The following UACA variants were observed in gnomAD, a reference collection of about 807,000 sequenced individuals.
UACA encodes the protein uveal autoantigen with coiled-coil domains and ankyrin repeats.
Under a neutral mutation model 160.5 loss-of-function variants are expected in UACA, and 112 were observed. The observed-to-expected ratio is 0.70, with a 90% CI of 0.60 to 0.82. The LOEUF (loss-of-function observed/expected upper bound fraction) is 0.82. Ranked by LOEUF, UACA falls within the 40% of genes least tolerant of loss-of-function variation. UACA has a pLI of 0.00. For synonymous variants in UACA, 557 were observed against 568.4 expected (o/e 0.98, Z 0.29); for missense variants, 1,574 against 1,614.6 (o/e 0.97, Z 0.43).
At chr15:70,754,156 T>C (rs771604326) in intron 1 of UACA, 201 of 456,032 alleles carry the variant, frequency 4.4e-4, no homozygotes, top group Non-Finnish European at 1.1e-4. Flanking sequence ...GGACAGTCAT[T>C]TATCCTAACT....
rs140483075 is a variant in UACA, at chr15:70,718,028, TACAC to T, written c.79-18372_79-18369del. Reference sequence around the variant, plus strand: ...CAATTCCTTAAAATAAATTTCTTTATACACACACACACACACACACACACACACA... The same window carrying T: ...CAATTCCTTAAAATAAATTTCTTTATACACACACACACACACACACACACA... On this transcript the variant is annotated intron_variant, in intron 1 of 18. Coordinates refer to ENST00000322954, the MANE Select transcript of UACA (RefSeq NM_018003.4). Among the ~76,000 whole-genome samples, 906 of 142,670 alleles carry T rather than the reference TACAC, an allele frequency of 6.4e-3. 7 individuals are homozygous for T. The highest frequency in any genetic ancestry group is 0.028 in the Middle Eastern group (8 of 282). The allele number at this position is 142,670 out of a possible 152,430, so 93.6% of individuals were successfully genotyped here. A position where few individuals can be genotyped will look rare whatever the true frequency, so the allele number is the denominator to read the frequency against.
chr15:70,726,713 C>G (rs561786798), intron 1 of UACA, among the ~76,000 whole-genome samples: 5 of 152,038 alleles, frequency 3.3e-5, no homozygotes, highest in Non-Finnish European at 7.4e-5. Flanking sequence ...TGTTCGGTAC[C>G]TTCTAAATTT....
chr15:70,686,920 C>CA (rs1413422734), intron 7 of UACA, among the ~76,000 whole-genome samples: 5 of 152,066 alleles, frequency 3.3e-5, no homozygotes, highest in Non-Finnish European at 7.4e-5. Flanking sequence ...GACCTACAGA[C>CA]AGAGATAGGG....
chr15:70,707,290 T>C (rs921753074), intron 1 of UACA, among the ~76,000 whole-genome samples: 1 of 152,150 alleles, frequency 6.6e-6, no homozygotes, highest in African/African-American at 2.4e-5. Flanking sequence ...TCAAAATTGA[T>C]TGAAGACCTA....
At chr15:70,682,318 A>G (rs1897538813) in intron 9 of UACA, among the ~76,000 whole-genome samples, 1 of 152,224 alleles carries the variant, frequency 6.6e-6, no homozygotes, top group African/African-American at 2.4e-5. Context: ...ATCACAATAT[A>G]TAATCAGTTT....
chr15:70,657,113 T>G lies in UACA; in HGVS notation c.4194A>C (p.Glu1398Asp). 1 of 1,614,082 alleles carries G rather than the reference T, an allele frequency of 6.2e-7. No homozygotes were observed. Among genetic ancestry groups the G allele is most frequent in the Non-Finnish European group, 8.5e-7 (1 of 1,179,930 alleles). Residue 1398 changes from glutamate to aspartate, a missense_variant, in exon 19 of 19, where the codon GAA becomes GAC. Physicochemically the swap from Glu to Asp is conservative, Grantham distance 45. Transcript: ENST00000322954. ...TCTGGAGCAGAGCCTCCTGAACATC[T>G]TCATCCATGTGACCCTTCGGAGAAA... ...LLSAAQGHMD[E>D]DVQEALLQII...
At chr15:70,696,067 C>T (rs1898116671) in intron 2 of UACA, among the ~76,000 whole-genome samples, 1 of 152,104 alleles carries the variant, frequency 6.6e-6, no homozygotes, top group East Asian at 1.9e-4. Context: ...AATAACCATT[C>T]TAGAGATGCC....
At position 70,664,642 on chromosome 15, in the gene UACA, C is replaced by T. The variant is rs781323443; in HGVS notation, c.4113+20G>A. On this transcript the variant is annotated intron_variant, in intron 17 of 18. Coordinates refer to ENST00000322954, the MANE Select transcript of UACA (RefSeq NM_018003.4). ...AGCCAGCACATATTCCTGCAAAGCC[C>T]CGTGTGCCTGGTTACTCACGGCCAG... 1.3e-6 allele frequency: 2 copies of T among 1,599,896 alleles called. No individual in the cohort carries two copies. The highest frequency in any genetic ancestry group is 2.2e-5 in the East Asian group (1 of 44,466).
At chr15:70,754,318 T>C in intron 1 of UACA, 1 of 324,572 alleles carries the variant, frequency 3.1e-6, no homozygotes, top group East Asian at 9.3e-5. Flanking sequence ...TGTATGTACT[T>C]TGAGTACCCG....
At chr15:70,658,310 G>T (rs1013446580) in intron 18 of UACA, among the ~76,000 whole-genome samples, 2 of 152,056 alleles carry the variant, frequency 1.3e-5, no homozygotes, top group Non-Finnish European at 2.9e-5. Context: ...GACATTTAAG[G>T]TATTTCCAAT....
rs1896432807 is a variant in UACA, at chr15:70,654,589, C to A, written c.*2467G>T. 1 of 151,470 alleles carries A rather than the reference C, an allele frequency of 6.6e-6. No individual in the cohort carries two copies. The highest frequency in any genetic ancestry group is 2.4e-5 in the African/African-American group (1 of 41,202). The allele number at this position is 151,470 out of a possible 1,614,324, so 9.4% of individuals were successfully genotyped here. On this transcript the variant is annotated 3_prime_UTR_variant, in exon 19 of 19. Transcript: ENST00000322954. The stretch of plus-strand genomic sequence containing the variant: ...GAATATTTGATTTTATTTCAAAAGA[C>A]AATTATTTATAACACTGACCCTCTA...
intron 1 of UACA, among the ~76,000 whole-genome samples, chr15:70,706,537 A>AAG: frequency 6.6e-6 from 1 of 151,126 alleles, no homozygotes; most frequent in Admixed American, 6.6e-5. Flanking sequence ...AAAAAAAAAA[A>AAG]CTCTAAAGAT....
At position 70,667,130 on chromosome 15, in the gene UACA, G is replaced by A. The variant is rs748393199; in HGVS notation, c.3554C>T (p.Ala1185Val). Residue 1185 changes from alanine to valine, a missense_variant, in exon 16 of 19, where the codon GCC (alanine) becomes GTC (valine). Ala to Val is a moderately conservative substitution (Grantham distance 64). Coordinates refer to ENST00000322954, the MANE Select transcript of UACA (RefSeq NM_018003.4). ...TTCTTCTTCCTTTTCTCTCAAGCTG[G>A]CTTTTATGATTCCAACTTCTTTCTC... Reference protein sequence around the residue: ...AFEKEVGIIKASLREKEEESQ... With the variant: ...AFEKEVGIIKVSLREKEEESQ... 1 of 1,613,364 alleles carries A rather than the reference G, an allele frequency of 6.2e-7. No homozygotes were observed. The highest frequency in any genetic ancestry group is 8.5e-7 in the Non-Finnish European group (1 of 1,179,908).
the UACA span, among the ~76,000 whole-genome samples, chr15:70,776,320 G>A: frequency 6.6e-6 from 1 of 151,912 alleles, no homozygotes; most frequent in Non-Finnish European, 1.5e-5. Flanking sequence ...TAAGTGCCAG[G>A]CACTGTTTAG....
At chr15:70,660,057 T>C in intron 18 of UACA, 94 bp downstream of exon 18, 1 of 1,022,152 alleles carries the variant, frequency 9.8e-7, no homozygotes, top group Non-Finnish European at 1.4e-6. Context: ...TGCAGCTACT[T>C]TAAACATCAA....
intron 5 of UACA, among the ~76,000 whole-genome samples, chr15:70,689,864 T>C (rs1897865496): frequency 6.6e-6 from 1 of 152,098 alleles, no homozygotes; most frequent in Non-Finnish European, 1.5e-5. Context: ...TAAATCTCTT[T>C]TAAAATATAG....
intron 9 of UACA, among the ~76,000 whole-genome samples, chr15:70,681,372 A>T (rs970347793): frequency 2.8e-5 from 4 of 144,780 alleles, no homozygotes; most frequent in East Asian, 2.0e-4. Flanking sequence ...CCTTAGTATT[A>T]AAAAAAAAAA....
chr15:70,736,600 A>G (rs1206522742), intron 1 of UACA, among the ~76,000 whole-genome samples: 1 of 151,832 alleles, frequency 6.6e-6, no homozygotes, highest in Admixed American at 6.6e-5. Context: ...ACGCCCGGCT[A>G]TTTTTTATAT....
Position 70,668,609 on chromosome 15 carries a change from C to T in UACA, c.2075G>A (p.Ser692Asn), listed in dbSNP as rs746758700. 35 of 1,613,780 alleles carry T rather than the reference C, an allele frequency of 2.2e-5. No homozygotes were observed. The African/African-American group carries it at 3.6e-4, about 17-fold the overall frequency. The change falls in exon 16 of 19, where the codon AGC (serine) becomes AAC (asparagine). Residue 692 changes from serine to asparagine, a missense_variant. Coordinates refer to ENST00000322954, the MANE Select transcript of UACA (RefSeq NM_018003.4). The stretch of plus-strand genomic sequence containing the variant: ...TTCTCCTGATTTCTGTTCTAATCTG[C>T]TCTTAACCTGTTCATGTTCCTCTGG... ...VKPEEHEQVK[S>N]RLEQKSGELG...
Sources: gnomAD v4.1 joint callset for allele counts (sites outside exome capture counted in the v4.1 genomes callset) on GRCh38, gnomAD v4.1.1 for gene constraint, MANE v1.5 for transcripts, NCBI Gene and HGNC (gene_info 2026-07-23, HGNC 2026-07-21) for gene names.